The following CACNA1E variants were observed in gnomAD, a reference collection of about 807,000 sequenced individuals.
CACNA1E encodes the protein voltage-dependent R-type calcium channel subunit alpha-1E.
In CACNA1E, 40 loss-of-function variants were observed where a neutral mutation model predicts 259.2. The observed-to-expected ratio is 0.15, with a 90% CI of 0.12 to 0.20. CACNA1E has a LOEUF of 0.20. Ranked by LOEUF, CACNA1E falls within the 10% of genes least tolerant of loss-of-function variation. The probability of loss-of-function intolerance (pLI) is 1.00; values close to 1 mark genes in which losing one functional copy is unlikely to be tolerated. For synonymous variants in CACNA1E, 1,104 were observed against 1,138.5 expected, an observed-to-expected ratio of 0.97 and a Z score of 0.61; for missense variants, 1,874 against 3,040.1, an observed-to-expected ratio of 0.62 and a Z score of 9.02.
At chr1:181,727,257 AG>A (rs1253049106) in intron 18 of CACNA1E, among the ~76,000 whole-genome samples, 4 of 152,200 alleles carry the variant, frequency 2.6e-5, no homozygotes, top group Non-Finnish European at 1.5e-5. Context: ...CCTGCTTAAG[AG>A]GAGAAATCAG....
intron 6 of CACNA1E, among the ~76,000 whole-genome samples, chr1:181,617,668 T>A (rs190013338): frequency 6.6e-6 from 1 of 152,218 alleles, no homozygotes; most frequent in African/African-American, 2.4e-5. Flanking sequence ...GTATATAGCA[T>A]GTTCTTTGCC....
chr1:181,508,332 C>T (rs1343771052), intron 1 of CACNA1E, among the ~76,000 whole-genome samples: 1 of 152,180 alleles, frequency 6.6e-6, no homozygotes, highest in Non-Finnish European at 1.5e-5. Context: ...CTTAGGAATA[C>T]CACTCTCAAC....
intron 1 of CACNA1E, among the ~76,000 whole-genome samples, chr1:181,377,579 T>C (rs1166414134): frequency 6.6e-6 from 1 of 152,162 alleles, no homozygotes; most frequent in Non-Finnish European, 1.5e-5. Flanking sequence ...AATTATCTTC[T>C]GGAGGATAAA....
intron 7 of CACNA1E, among the ~76,000 whole-genome samples, chr1:181,689,460 A>G (rs1043410898): frequency 6.6e-6 from 1 of 152,202 alleles, no homozygotes; most frequent in African/African-American, 2.4e-5. Context: ...ATATCTTTAT[A>G]GTAGAATGAT....
At chr1:181,392,048 T>G (rs1656338850) in intron 1 of CACNA1E, among the ~76,000 whole-genome samples, 1 of 151,988 alleles carries the variant, frequency 6.6e-6, no homozygotes, top group Non-Finnish European at 1.5e-5. Flanking sequence ...CTTGGCCTCC[T>G]GTTGAGCCTG....
rs1025560764 is a variant in CACNA1E, at chr1:181,590,420, T to A, written c.951+9644T>A. Among the ~76,000 whole-genome samples the A allele has an allele frequency of 1.6e-3, 224 of 140,702 alleles. 3 individuals carry two copies. Among genetic ancestry groups the A allele is most frequent in the East Asian group, 0.011 (52 of 4,774 alleles). 92.3% of individuals were successfully genotyped at this position (140,702 alleles called of 152,430 possible). On this transcript the variant is annotated intron_variant, in intron 6 of 47. Transcript: ENST00000367573. ...CAATTACAAAAAAAAAAAAAAAATA[T>A]ATATATATATATATATTGTATTTGA... is the stretch of plus-strand genomic sequence containing the variant.
intron 1 of CACNA1E, among the ~76,000 whole-genome samples, chr1:181,337,545 C>T (rs550526325): frequency 3.0e-4 from 45 of 152,218 alleles, no homozygotes; most frequent in African/African-American, 7.5e-4. Flanking sequence ...TGCCCCTAAC[C>T]GCCATTTTAC....
At chr1:181,596,856 A>G (rs1241118406) in intron 6 of CACNA1E, among the ~76,000 whole-genome samples, 1 of 152,154 alleles carries the variant, frequency 6.6e-6, no homozygotes, top group East Asian at 1.9e-4. Context: ...AGTCAGCAGT[A>G]CATATGTCCT....
intron 1 of CACNA1E, among the ~76,000 whole-genome samples, chr1:181,364,142 C>T (rs1557943919): frequency 6.6e-6 from 1 of 152,188 alleles, no homozygotes; most frequent in East Asian, 1.9e-4. Flanking sequence ...CTCTGATTGG[C>T]TCCCTCCCTT....
At chr1:181,626,925 G>T in intron 6 of CACNA1E, among the ~76,000 whole-genome samples, 2 of 152,306 alleles carry the variant, frequency 1.3e-5, no homozygotes, top group East Asian at 3.9e-4. Flanking sequence ...TGCCCAGGGC[G>T]TAGGACTTCC....
intron 1 of CACNA1E, among the ~76,000 whole-genome samples, chr1:181,388,745 G>A (rs1228330390): frequency 6.6e-6 from 1 of 152,148 alleles, no homozygotes; most frequent in Non-Finnish European, 1.5e-5. Context: ...TATAAAATTA[G>A]CTGGATGTGG....
At chr1:181,318,602 G>A (rs1650097845) in intron 1 of CACNA1E, among the ~76,000 whole-genome samples, 1 of 152,214 alleles carries the variant, frequency 6.6e-6, no homozygotes, top group Admixed American at 6.5e-5. Flanking sequence ...GCCTCCGGGC[G>A]CGGGCGGCTC....
At chr1:181,336,675 T>G (rs1030010664) in intron 1 of CACNA1E, among the ~76,000 whole-genome samples, 1 of 152,136 alleles carries the variant, frequency 6.6e-6, no homozygotes, top group African/African-American at 2.4e-5. Context: ...TTTCTAGAAC[T>G]TTTTCATCTT....
In CACNA1E at chr1:181,779,819, T is replaced by TACAC. The variant is rs56301632; in HGVS notation, c.5268-1580_5268-1577dup. 5.9e-3 allele frequency among the ~76,000 whole-genome samples: 871 copies of TACAC among 148,390 alleles called. 5 individuals carry two copies. Among genetic ancestry groups the TACAC allele is most frequent in the African/African-American group, 7.6e-3 (304 of 40,172 alleles). On this transcript the variant is annotated intron_variant, in intron 38 of 47. Coordinates refer to ENST00000367573, the MANE Select transcript of CACNA1E (RefSeq NM_001205293.3). ...TCATGTATGTGTGTATATGCACATG[T>TACAC]ACACACACACACACACACACACACA...
chr1:181,396,222 G>A (rs1348951314), intron 1 of CACNA1E, among the ~76,000 whole-genome samples: 1 of 152,230 alleles, frequency 6.6e-6, no homozygotes, highest in Non-Finnish European at 1.5e-5. Flanking sequence ...ACCCCAGACG[G>A]AAGCCACAGT....
intron 1 of CACNA1E, among the ~76,000 whole-genome samples, chr1:181,491,560 C>T (rs1229589246): frequency 6.6e-6 from 1 of 152,220 alleles, no homozygotes; most frequent in Non-Finnish European, 1.5e-5. Context: ...TGCATTTCCT[C>T]ATCCCAAATC....
intron 3 of CACNA1E, among the ~76,000 whole-genome samples, chr1:181,539,692 A>G (rs1668438340): frequency 6.6e-6 from 1 of 152,218 alleles, no homozygotes; most frequent in African/African-American, 2.4e-5. Flanking sequence ...GAAAAAACTG[A>G]TAAGCATTTT....
intron 12 of CACNA1E, among the ~76,000 whole-genome samples, chr1:181,718,611 A>ACACAC (rs1654126652): frequency 8.0e-6 from 1 of 124,246 alleles, no homozygotes; most frequent in Non-Finnish European, 1.7e-5. Flanking sequence ...CCCTCATTCA[A>ACACAC]ACACACACAC....
intron 1 of CACNA1E, among the ~76,000 whole-genome samples, chr1:181,357,176 A>G (rs146073311): frequency 1.6e-3 from 238 of 151,994 alleles, no homozygotes; most frequent in African/African-American, 5.3e-3. Flanking sequence ...TTGCTCTTGG[A>G]TCAGCCCCAG....
Sources: gnomAD v4.1 joint callset for allele counts (sites outside exome capture counted in the v4.1 genomes callset) on GRCh38, gnomAD v4.1.1 for gene constraint, MANE v1.5 for transcripts, NCBI Gene and HGNC (gene_info 2026-07-23, HGNC 2026-07-21) for gene names.